The following KLHL32 variants were observed in gnomAD, a reference collection of about 807,000 sequenced individuals.
The protein encoded by KLHL32 is kelch like family member 32, also known as kelch-like protein 32.
KLHL32 carries 35 observed loss-of-function variants against 64.8 expected under a neutral mutation model. The ratio of observed to expected loss-of-function variants is 0.54; its 90% CI spans 0.41 to 0.72. The LOEUF (loss-of-function observed/expected upper bound fraction) is 0.72, where lower values mean the gene tolerates loss of function less well. Among genes scored for constraint, KLHL32 ranks in the 30% least tolerant of loss-of-function variants. The pLI is 0.00. For synonymous variants in KLHL32, 259 were observed against 281.0 expected (o/e 0.92, Z 0.78); for missense variants, 589 against 768.5 (o/e 0.77, Z 2.76).
At chr6:96,958,518 C>T (rs1773521224) in intron 1 of KLHL32, among the ~76,000 whole-genome samples, 1 of 151,988 alleles carries the variant, frequency 6.6e-6, no homozygotes, top group Non-Finnish European at 1.5e-5. Flanking sequence ...ATGACTGTAA[C>T]CAGAAGAAGA....
At chr6:96,962,547 A>G (rs1440969823) in intron 1 of KLHL32, among the ~76,000 whole-genome samples, 1 of 152,234 alleles carries the variant, frequency 6.6e-6, no homozygotes, top group East Asian at 1.9e-4. Flanking sequence ...TATTAAAAAC[A>G]CTAGTATTTG....
At chr6:96,899,352 T>G in the KLHL32 span, among the ~76,000 whole-genome samples, 2 of 152,194 alleles carry the variant, frequency 1.3e-5, no homozygotes, top group Non-Finnish European at 2.9e-5. Flanking sequence ...CTAAGAAATT[T>G]TAATCTGCCT....
intron 3 of KLHL32, among the ~76,000 whole-genome samples, chr6:96,988,839 C>G (rs1777467514): frequency 6.6e-6 from 1 of 151,862 alleles, no homozygotes; most frequent in African/African-American, 2.4e-5. Context: ...TCATTCTCAG[C>G]AAACTGTTGC....
intron 1 of KLHL32, among the ~76,000 whole-genome samples, chr6:96,935,114 G>C (rs1425693955): frequency 2.0e-5 from 3 of 152,182 alleles, no homozygotes; most frequent in Non-Finnish European, 4.4e-5. Context: ...AAATGATCAA[G>C]GTTATGCATG....
chr6:97,132,810 T>C (rs1203224789), intron 10 of KLHL32, 63 bp downstream of exon 10: 14 of 1,110,194 alleles, frequency 1.3e-5, no homozygotes, highest in Non-Finnish European at 1.9e-5. Flanking sequence ...CATTTTGCAA[T>C]GCTGCTACTG....
chr6:97,010,434 A>AT (rs1384595493), intron 3 of KLHL32, among the ~76,000 whole-genome samples: 3 of 152,218 alleles, frequency 2.0e-5, no homozygotes, highest in African/African-American at 7.2e-5. Context: ...TGTAGCAAAT[A>AT]TTTTTTAAAA....
intron 3 of KLHL32, among the ~76,000 whole-genome samples, chr6:97,023,125 A>T (rs1562252925): frequency 6.6e-6 from 1 of 152,212 alleles, no homozygotes; most frequent in Non-Finnish European, 1.5e-5. Context: ...TGAGGATTAC[A>T]ATTTGAGATG....
intron 3 of KLHL32, among the ~76,000 whole-genome samples, chr6:97,034,887 T>C (rs1483685375): frequency 1.3e-5 from 2 of 152,028 alleles, no homozygotes; most frequent in Admixed American, 6.5e-5. Context: ...AGTTCTAACA[T>C]TGTTTTTTGG....
chr6:97,055,365 G>A (rs1213002351), intron 4 of KLHL32, among the ~76,000 whole-genome samples: 1 of 152,138 alleles, frequency 6.6e-6, no homozygotes, highest in Non-Finnish European at 1.5e-5. Context: ...GGGTATCCCT[G>A]AACTGTCAGA....
At chr6:96,987,241 C>T (rs138734446) in intron 3 of KLHL32, among the ~76,000 whole-genome samples, 3,593 of 152,170 alleles carry the variant, frequency 0.024, 101 homozygotes, top group African/African-American at 0.067. Context: ...TTATTTCTTG[C>T]CTTCTGCTAG....
chr6:97,129,130 A>G (rs1799174612), intron 8 of KLHL32, among the ~76,000 whole-genome samples: 1 of 152,240 alleles, frequency 6.6e-6, no homozygotes, highest in Admixed American at 6.5e-5. Context: ...TTCAAGCTGT[A>G]CAAATCACTT....
At chr6:96,968,646 C>G (rs904185701) in intron 2 of KLHL32, among the ~76,000 whole-genome samples, 24 of 152,082 alleles carry the variant, frequency 1.6e-4, no homozygotes, top group African/African-American at 5.8e-4. Flanking sequence ...TTCTCTCCTT[C>G]TCTGCTTCAA....
Position 97,130,956 on chromosome 6 carries a change from A to G in KLHL32, c.1606+7A>G. 6.2e-7 allele frequency: 1 copy of G among 1,605,664 alleles called. No individual in the cohort carries two copies. The highest frequency in any genetic ancestry group is 2.2e-5 in the East Asian group (1 of 44,766). On this transcript the variant is annotated splice_region_variant and intron_variant, in intron 9 of 10. Coordinates refer to ENST00000369261, the MANE Select transcript of KLHL32 (RefSeq NM_052904.4). ...AATTTCAACCTGCTGACTGGCAAGTACCTTTGATTAAGTAAATCAGGAAAA... is the reference window on the plus strand; with the variant it reads ...AATTTCAACCTGCTGACTGGCAAGTGCCTTTGATTAAGTAAATCAGGAAAA...
At chr6:97,071,733 G>A (rs765280523) in intron 5 of KLHL32, among the ~76,000 whole-genome samples, 1 of 152,122 alleles carries the variant, frequency 6.6e-6, no homozygotes, top group East Asian at 1.9e-4. Context: ...ACTAAATAGT[G>A]TTGGTTTAGC....
chr6:97,008,207 C>T (rs1172659972), intron 3 of KLHL32, among the ~76,000 whole-genome samples: 3 of 152,096 alleles, frequency 2.0e-5, no homozygotes, highest in Admixed American at 6.6e-5. Flanking sequence ...GGGGGAAGAC[C>T]GTGGCAGCCC....
chr6:97,132,972 A>AT (rs111507285), intron 10 of KLHL32, among the ~76,000 whole-genome samples: 1,977 of 152,312 alleles, frequency 0.013, 46 homozygotes, highest in African/African-American at 0.044. Flanking sequence ...AATTTTGAAA[A>AT]ATATATGTAA....
chr6:97,002,420 A>C (rs1041319318), intron 3 of KLHL32, among the ~76,000 whole-genome samples: 3 of 152,208 alleles, frequency 2.0e-5, no homozygotes, highest in African/African-American at 7.2e-5. Context: ...ATAGCTTAAG[A>C]GCAAAAACAA....
chr6:96,926,071 A>G (rs73758062), intron 1 of KLHL32, among the ~76,000 whole-genome samples: 3,029 of 152,244 alleles, frequency 0.02, 105 homozygotes, highest in African/African-American at 0.07. Flanking sequence ...TCGGGTGTCT[A>G]TTGGGTGAAC....
chr6:96,962,389 G>C (rs1201920689), intron 1 of KLHL32, among the ~76,000 whole-genome samples: 1 of 152,156 alleles, frequency 6.6e-6, no homozygotes, highest in Non-Finnish European at 1.5e-5. Flanking sequence ...TGAAAAAATT[G>C]CTGTATTTTA....
Sources: gnomAD v4.1 joint callset for allele counts (sites outside exome capture counted in the v4.1 genomes callset) on GRCh38, gnomAD v4.1.1 for gene constraint, MANE v1.5 for transcripts, NCBI Gene and HGNC (gene_info 2026-07-23, HGNC 2026-07-21) for gene names.